Variants in HPSE2 observed in about 807,000 individuals in gnomAD.
The protein encoded by HPSE2 is inactive heparanase-2.
In HPSE2, 38 loss-of-function variants were observed where a neutral mutation model predicts 60.5. That is an observed-to-expected ratio of 0.63 (90% CI 0.48 to 0.82). The LOEUF (loss-of-function observed/expected upper bound fraction) is 0.82. Ranked by LOEUF, HPSE2 falls within the 40% of genes least tolerant of loss-of-function variation. The pLI is 0.00. For synonymous variants in HPSE2, 295 were observed against 293.2 expected, an observed-to-expected ratio of 1.01 and a Z score of -0.06; for missense variants, 713 against 740.4, an observed-to-expected ratio of 0.96 and a Z score of 0.43.
chr10:98,972,629 A>T (rs974945581), intron 3 of HPSE2, among the ~76,000 whole-genome samples: 2 of 152,244 alleles, frequency 1.3e-5, no homozygotes, highest in African/African-American at 4.8e-5. Context: ...GTTTATCTGA[A>T]ATTGTATCAT....
chr10:98,737,940 A>C (rs1174969011), intron 4 of HPSE2, among the ~76,000 whole-genome samples: 1 of 152,234 alleles, frequency 6.6e-6, no homozygotes, highest in Non-Finnish European at 1.5e-5. Context: ...TCATCAAGCT[A>C]CCATTGACTT....
At chr10:99,136,823 AC>A in intron 3 of HPSE2, among the ~76,000 whole-genome samples, 1 of 152,268 alleles carries the variant, frequency 6.6e-6, no homozygotes, top group African/African-American at 2.4e-5. Context: ...CCCTTTGAAA[AC>A]CAGCGAAAGA....
At chr10:98,504,660 A>G (rs2133721150) in intron 9 of HPSE2, among the ~76,000 whole-genome samples, 1 of 152,186 alleles carries the variant, frequency 6.6e-6, no homozygotes, top group African/African-American at 2.4e-5. Flanking sequence ...CGTGGTGGCA[A>G]GCACCTGTAG....
intron 9 of HPSE2, among the ~76,000 whole-genome samples, chr10:98,496,178 T>C (rs140287493): frequency 6.8e-4 from 104 of 152,286 alleles, no homozygotes; most frequent in Non-Finnish European, 1.1e-3. Flanking sequence ...CCTGCACCTT[T>C]TCTTGGGTAT....
chr10:98,886,057 G>A (rs1953154975), intron 3 of HPSE2, among the ~76,000 whole-genome samples: 2 of 151,962 alleles, frequency 1.3e-5, no homozygotes, highest in Non-Finnish European at 1.5e-5. Context: ...ACTTTAGGAT[G>A]AAACAAAACT....
intron 2 of HPSE2, among the ~76,000 whole-genome samples, chr10:99,188,536 G>A (rs771618667): frequency 1.9e-4 from 29 of 152,068 alleles, no homozygotes; most frequent in Non-Finnish European, 1.2e-4. Flanking sequence ...GTAATTCCTC[G>A]CCTAAATCTA....
In HPSE2 at chr10:98,530,222, A is replaced by G. The variant is rs372923724; in HGVS notation, c.1321-40026T>C. The stretch of plus-strand genomic sequence containing the variant: ...GGGGTTTGCGCTCTCTCCTGCTCAA[A>G]GGTACTAAGCCAGCCAGATTTACTT... On this transcript the variant is annotated intron_variant, in intron 9 of 11. Transcript: ENST00000370552. Among the ~76,000 whole-genome samples the G allele has an allele frequency of 7.2e-5, 11 of 152,308 alleles. No homozygotes were observed. The East Asian group carries it at 1.5e-3, about 21-fold the overall frequency.
At chr10:98,751,080 G>A (rs1949747133) in intron 3 of HPSE2, among the ~76,000 whole-genome samples, 1 of 152,002 alleles carries the variant, frequency 6.6e-6, no homozygotes, top group African/African-American at 2.4e-5. Context: ...CACCTTCCTT[G>A]ATTCCGTATT....
the HPSE2 span, among the ~76,000 whole-genome samples, chr10:99,305,979 G>GCGCGCGCACACACACACACACA: frequency 1.2e-3 from 93 of 80,544 alleles, 1 homozygote; most frequent in East Asian, 2.2e-3. Flanking sequence ...GCGCGCGCGC[G>GCGCGCGCACACACACACACACA]CACACACACA....
chr10:98,885,845 G>A (rs1446421064), intron 3 of HPSE2, among the ~76,000 whole-genome samples: 2 of 151,956 alleles, frequency 1.3e-5, no homozygotes, highest in Admixed American at 1.3e-4. Context: ...GGTGGTCTAG[G>A]ACCAAACCTG....
At chr10:98,849,618 A>T (rs1323955160) in intron 3 of HPSE2, among the ~76,000 whole-genome samples, 1 of 152,242 alleles carries the variant, frequency 6.6e-6, no homozygotes, top group Non-Finnish European at 1.5e-5. Flanking sequence ...AACCTCTCCT[A>T]AAGGGAAAGG....
chr10:98,685,165 T>G (rs143088875), intron 6 of HPSE2, among the ~76,000 whole-genome samples: 1 of 152,336 alleles, frequency 6.6e-6, no homozygotes, highest in African/African-American at 2.4e-5. Context: ...TTGTATGTTT[T>G]GAGGCATTTC....
intron 3 of HPSE2, among the ~76,000 whole-genome samples, chr10:99,138,771 T>G (rs186329219): frequency 6.5e-4 from 99 of 152,216 alleles, no homozygotes; most frequent in Non-Finnish European, 1.0e-3. Flanking sequence ...AGGGATAACA[T>G]TAGGAGAAAT....
At chr10:98,847,128 C>A (rs1952053178) in intron 3 of HPSE2, among the ~76,000 whole-genome samples, 1 of 152,172 alleles carries the variant, frequency 6.6e-6, no homozygotes, top group African/African-American at 2.4e-5. Flanking sequence ...CAACATTTGA[C>A]AGAAGATACA....
chr10:99,154,044 T>A (rs1420468269), intron 2 of HPSE2, among the ~76,000 whole-genome samples: 1 of 150,534 alleles, frequency 6.6e-6, no homozygotes, highest in East Asian at 2.0e-4. Flanking sequence ...AGAAGGGAAG[T>A]TTAGAGAAAA....
intron 6 of HPSE2, among the ~76,000 whole-genome samples, chr10:98,666,523 C>A (rs1031589349): frequency 3.3e-5 from 5 of 152,180 alleles, no homozygotes; most frequent in African/African-American, 1.2e-4. Context: ...AGATTGACTA[C>A]ATGCTGAGTC....
chr10:98,486,274 A>G (rs1941437768), intron 10 of HPSE2, among the ~76,000 whole-genome samples: 1 of 152,164 alleles, frequency 6.6e-6, no homozygotes, highest in Non-Finnish European at 1.5e-5. Context: ...CAGAAAAATA[A>G]TCTTGGAGAA....
At chr10:98,836,939 T>C (rs1471199699) in intron 3 of HPSE2, among the ~76,000 whole-genome samples, 1 of 152,020 alleles carries the variant, frequency 6.6e-6, no homozygotes, top group African/African-American at 2.4e-5. Context: ...CTCGGGAGGC[T>C]GAGGAGGGAG....
intron 3 of HPSE2, among the ~76,000 whole-genome samples, chr10:99,105,072 A>AG (rs766128113): frequency 4.2e-4 from 64 of 151,892 alleles, no homozygotes; most frequent in Non-Finnish European, 7.7e-4. Flanking sequence ...AAAAAAAAAA[A>AG]AAAAGAAAAG....
Sources: gnomAD v4.1 joint callset for allele counts (sites outside exome capture counted in the v4.1 genomes callset) on GRCh38, gnomAD v4.1.1 for gene constraint, MANE v1.5 for transcripts, NCBI Gene and HGNC (gene_info 2026-07-23, HGNC 2026-07-21) for gene names.